Variants in TPRG1 observed in about 807,000 individuals in gnomAD.
TPRG1 encodes the protein tumor protein p63-regulated gene 1 protein.
A neutral mutation model predicts 29.3 loss-of-function variants in TPRG1; 29 were observed. The observed-to-expected ratio is 0.99, with a 90% CI of 0.74 to 1.35. TPRG1 has a LOEUF of 1.35. TPRG1 is among the 40% of genes most tolerant of loss of function. The pLI, the probability that TPRG1 is intolerant of heterozygous loss-of-function variation, is 0.00. For synonymous variants in TPRG1, 130 were observed against 116.8 expected, an observed-to-expected ratio of 1.11 and a Z score of -0.73; for missense variants, 327 against 335.0, an observed-to-expected ratio of 0.98 and a Z score of 0.19.
rs755212303 is a variant in TPRG1 at position 189,215,385 on chromosome 3, T to C, written c.302+2T>C. 1 of 1,610,528 alleles carries C rather than the reference T, an allele frequency of 6.2e-7. No homozygotes were observed. Among genetic ancestry groups the C allele is most frequent in the Non-Finnish European group, 8.5e-7 (1 of 1,178,386 alleles). Reference sequence around the variant, plus strand: ...TCAAGGCTTCTGGCTCTTGACAAAGTGAGTAGTCACAGCTAAGTGAAGGGC... The same window carrying C: ...TCAAGGCTTCTGGCTCTTGACAAAGCGAGTAGTCACAGCTAAGTGAAGGGC... On this transcript the variant is annotated splice_donor_variant, in intron 3 of 5. Transcript: ENST00000345063. LOFTEE classifies it high-confidence loss of function.
At position 189,059,244 on chromosome 3, in the gene TPRG1, C is replaced by T. The variant is rs936204884; in HGVS notation, c.-463+35298C>T. ...TAATATTTTCCAAGCACTTTCTGTG[C>T]CAGACACAGTTCTTAAGTACTTCAC... is the stretch of plus-strand genomic sequence containing the variant. On this transcript the variant is annotated intron_variant, in intron 4 of 10. Transcript: ENST00000433971. Among the ~76,000 whole-genome samples the T allele has an allele frequency of 4.6e-5, 7 of 152,236 alleles. No homozygotes were observed. The East Asian group carries it at 1.2e-3, about 25-fold the overall frequency.
intron 4 of TPRG1, among the ~76,000 whole-genome samples, chr3:189,061,126 C>A (rs768445746): frequency 2.0e-5 from 3 of 152,066 alleles, no homozygotes; most frequent in Non-Finnish European, 4.4e-5. Context: ...GAATAGAAAG[C>A]CCAGAAATAA....
rs555127983 is a variant in TPRG1 at position 189,214,658 on chromosome 3, G to A, written c.211-634G>A. Among the ~76,000 whole-genome samples, 4 of 152,304 alleles carry A rather than the reference G, an allele frequency of 2.6e-5. No homozygotes were observed. The South Asian group carries it at 8.3e-4, about 32-fold the overall frequency. ...CTGGTCCAGCTGAATAAAAAACTCT[G>A]GGTAGAGTCCCAGAAATCTATGTTT... is the stretch of plus-strand genomic sequence containing the variant. On this transcript the variant is annotated intron_variant, in intron 2 of 5. Coordinates refer to ENST00000345063, the MANE Select transcript of TPRG1 (RefSeq NM_198485.4).
At chr3:189,039,257 T>C (rs1222440300) in intron 4 of TPRG1, among the ~76,000 whole-genome samples, 1 of 152,220 alleles carries the variant, frequency 6.6e-6, no homozygotes, top group Admixed American at 6.5e-5. Context: ...TAGGCTTATA[T>C]TCTTTGCTGA....
At chr3:189,312,286 C>G (rs976219237) in intron 5 of TPRG1, among the ~76,000 whole-genome samples, 10 of 151,010 alleles carry the variant, frequency 6.6e-5, no homozygotes, top group African/African-American at 2.5e-4. Context: ...ACTGCAAGCT[C>G]CGCCTCCCGG....
chr3:189,034,810 A>G (rs1330133663), intron 4 of TPRG1, among the ~76,000 whole-genome samples: 1 of 152,206 alleles, frequency 6.6e-6, no homozygotes, highest in African/African-American at 2.4e-5. Context: ...ATGGAAAAAC[A>G]TTCCATGCTC....
intron 3 of TPRG1, chr3:189,217,998 A>G (rs1736328956): frequency 1.0e-6 from 1 of 985,484 alleles, no homozygotes; most frequent in Non-Finnish European, 1.2e-6. Context: ...ATGCAGGCCC[A>G]GAAAGGTAAG....
At chr3:189,070,541 G>A (rs1716750395) in intron 4 of TPRG1, among the ~76,000 whole-genome samples, 1 of 152,126 alleles carries the variant, frequency 6.6e-6, no homozygotes, top group African/African-American at 2.4e-5. Flanking sequence ...GTTACCACTG[G>A]AGAAACTGGG....
chr3:189,110,818 C>A (rs916692431), intron 1 of TPRG1, among the ~76,000 whole-genome samples: 1 of 151,874 alleles, frequency 6.6e-6, no homozygotes, highest in African/African-American at 2.4e-5. Context: ...GTTGAAAAGA[C>A]TACCCTTTCT....
At chr3:189,219,797 A>G (rs1443165484) in intron 3 of TPRG1, 2 of 1,093,246 alleles carry the variant, frequency 1.8e-6, no homozygotes, top group Non-Finnish European at 2.2e-6. Context: ...CATTGAGAGT[A>G]GTTGCCTAAG....
intron 2 of TPRG1, among the ~76,000 whole-genome samples, chr3:189,212,398 A>G (rs534234144): frequency 6.6e-6 from 1 of 152,216 alleles, no homozygotes; most frequent in Non-Finnish European, 1.5e-5. Flanking sequence ...TTCTCTTGCT[A>G]TAGGGTTCCC....
chr3:189,160,649 G>C (rs1460833880), intron 5 of TPRG1, among the ~76,000 whole-genome samples: 1 of 152,100 alleles, frequency 6.6e-6, no homozygotes, highest in African/African-American at 2.4e-5. Context: ...CTTGGTGGCG[G>C]CTACAGGAAT....
Position 189,320,750 on chromosome 3 carries a change from G to A in TPRG1, c.758G>A (p.Gly253Glu). 2 of 1,611,764 alleles carry A rather than the reference G, an allele frequency of 1.2e-6. No individual in the cohort carries two copies. Among genetic ancestry groups the A allele is most frequent in the Non-Finnish European group, 1.7e-6 (2 of 1,178,976 alleles). Residue 253 changes from glycine (G) to glutamate (E), a missense_variant, in exon 6 of 6, where the codon GGG becomes GAG. Gly to Glu is a moderately conservative substitution (Grantham distance 98). Transcript: ENST00000345063. ...CCCATTTTGATTGAGACCTACACAG[G>A]GCTGATGTCATTCATTGGAAACCGC... ...TEPILIETYT[G>E]LMSFIGNRNK...
chr3:189,226,797 CAAA>C (rs1175619202), intron 3 of TPRG1, among the ~76,000 whole-genome samples: 1 of 81,756 alleles, frequency 1.2e-5, no homozygotes, highest in Non-Finnish European at 2.6e-5. Context: ...GCAAGGCTGA[CAAA>C]AAAAAAAAAA....
At chr3:189,002,631 G>A (rs540022103) in intron 2 of TPRG1, among the ~76,000 whole-genome samples, 67 of 152,242 alleles carry the variant, frequency 4.4e-4, no homozygotes, top group Middle Eastern at 3.4e-3. Context: ...AGGGAAACCT[G>A]CTCACTCCAT....
At chr3:189,262,369 G>A (rs887873197) in intron 4 of TPRG1, among the ~76,000 whole-genome samples, 1 of 152,090 alleles carries the variant, frequency 6.6e-6, no homozygotes, top group Non-Finnish European at 1.5e-5. Flanking sequence ...AGTGGAGGAT[G>A]CACTTCATGC....
rs60328007 is a variant in TPRG1 at position 189,226,097 on chromosome 3, G to A, written c.302+10714G>A. Among the ~76,000 whole-genome samples the A allele has an allele frequency of 7.5e-3, 1,148 of 152,308 alleles. 13 individuals are homozygous for A. The highest frequency in any genetic ancestry group is 0.026 in the African/African-American group (1,074 of 41,540). The stretch of plus-strand genomic sequence containing the variant: ...TCTTCTCTCAGTAATTGGTATCACC[G>A]CTAGACAGAAGATCAGGAAAGATTT... On this transcript the variant is annotated intron_variant, in intron 3 of 5. Transcript: ENST00000345063.
chr3:189,002,280 C>A (rs1712064626), intron 2 of TPRG1, among the ~76,000 whole-genome samples: 1 of 150,692 alleles, frequency 6.6e-6, no homozygotes, highest in Non-Finnish European at 1.5e-5. Context: ...CAGAGGCCAA[C>A]ATTCTCTTTT....
chr3:189,036,841 AT>A (rs1219044423), intron 4 of TPRG1, among the ~76,000 whole-genome samples: 5 of 151,904 alleles, frequency 3.3e-5, no homozygotes, highest in African/African-American at 1.2e-4. Context: ...TATTAATGAG[AT>A]CTATAAACCG....
Sources: allele counts gnomAD v4.1 joint callset (sites outside exome capture counted in the v4.1 genomes callset), GRCh38; gene constraint gnomAD v4.1.1; transcripts MANE v1.5; gene names NCBI Gene and HGNC (gene_info 2026-07-23, HGNC 2026-07-21).